The following COBLL1 variants were observed in gnomAD, a reference collection of about 807,000 sequenced individuals.
The protein encoded by COBLL1 is cordon-bleu protein-like 1.
COBLL1 carries 50 observed loss-of-function variants against 94.8 expected under a neutral mutation model. The observed-to-expected ratio is 0.53, with a 90% CI of 0.42 to 0.67. The LOEUF is 0.67. Among genes scored for constraint, COBLL1 ranks in the 30% least tolerant of loss-of-function variants. The pLI, the probability that COBLL1 is intolerant of heterozygous loss-of-function variation, is 0.00. For missense variants in COBLL1, 1,362 were observed against 1,348.7 expected, an observed-to-expected ratio of 1.01 and a Z score of -0.15; for synonymous variants, 448 against 473.8, an observed-to-expected ratio of 0.95 and a Z score of 0.71.
chr2:164,680,053 G>A (rs2105393149), downstream of COBLL1: 1 of 152,026 alleles, frequency 6.6e-6, no homozygotes, highest in East Asian at 1.9e-4. Context: ...ATAGTGAGAT[G>A]CTTTTGCCAA....
chr2:164,811,642 A>G (rs568993303), intron 2 of COBLL1, among the ~76,000 whole-genome samples: 1 of 151,892 alleles, frequency 6.6e-6, no homozygotes, highest in South Asian at 2.1e-4. Context: ...ACTTCCAGAA[A>G]AGTCAAAGTA....
chr2:164,747,823 T>C (rs1344293958), intron 2 of COBLL1, among the ~76,000 whole-genome samples: 2 of 152,192 alleles, frequency 1.3e-5, no homozygotes, highest in Admixed American at 1.3e-4. Flanking sequence ...TCAGTTGTTA[T>C]TTCAATTTAA....
chr2:164,682,862 GC>G lies in COBLL1; in HGVS notation c.*3083del, dbSNP rs1453413199. 1 of 152,038 alleles carries G rather than the reference GC, an allele frequency of 6.6e-6. No homozygotes were observed. The highest frequency in any genetic ancestry group is 1.9e-4 in the East Asian group (1 of 5,180). 9.4% of individuals were successfully genotyped at this position (152,038 alleles called of 1,614,324 possible). A position where few individuals can be genotyped will look rare whatever the true frequency, so the allele number is the denominator to read the frequency against. On this transcript the variant is annotated 3_prime_UTR_variant, in exon 14 of 14. Coordinates refer to ENST00000652658, the MANE Select transcript of COBLL1 (RefSeq NM_001365672.2). ...ACTCCAGCCAACATTATGTACCGCA[GC>G]AAGAAACAATAGAATGGCTAACAGA...
intron 5 of COBLL1, chr2:164,723,412 C>G (rs1558954320): frequency 6.6e-6 from 1 of 152,132 alleles, no homozygotes; most frequent in Non-Finnish European, 1.5e-5. Context: ...AATTCCATTT[C>G]CCATTAAAAG....
At chr2:164,741,494 G>A (rs1160993964) in intron 3 of COBLL1, among the ~76,000 whole-genome samples, 3 of 150,066 alleles carry the variant, frequency 2.0e-5, no homozygotes, top group African/African-American at 7.4e-5. Context: ...GGTAAATGAA[G>A]AGAGCCCAGG....
chr2:164,676,003 G>A (rs546018764), downstream of COBLL1, among the ~76,000 whole-genome samples: 27 of 152,252 alleles, frequency 1.8e-4, no homozygotes, highest in African/African-American at 6.3e-4. Flanking sequence ...AAATAGGAAA[G>A]AAACCTGAAA....
In COBLL1 at chr2:164,841,792, T is replaced by C; in HGVS notation, c.-133A>G. On this transcript the variant is annotated 5_prime_UTR_variant, in exon 1 of 14. Transcript: ENST00000652658. The surrounding 1 kb of genome is among the most constrained non-coding windows in gnomAD (Gnocchi z 5.5). ...CTCTTCCCTTCCCCGGCCCGCGCTC[T>C]TGCCGCTCGGCTCTCAAGCCAGGAC... The C allele has an allele frequency of 1.7e-6, 1 of 573,562 alleles. No homozygotes were observed. Among genetic ancestry groups the C allele is most frequent in the Non-Finnish European group, 3.0e-6 (1 of 333,914 alleles). The allele number at this position is 573,562 out of a possible 1,614,324, so 35.5% of individuals were successfully genotyped here.
chr2:164,804,300 C>T (rs952234500), intron 2 of COBLL1, among the ~76,000 whole-genome samples: 1 of 151,972 alleles, frequency 6.6e-6, no homozygotes, highest in Non-Finnish European at 1.5e-5. Flanking sequence ...GATCACACAA[C>T]TCTATGAGTA....
At chr2:164,791,308 A>T (rs1683178870) in intron 2 of COBLL1, among the ~76,000 whole-genome samples, 1 of 152,138 alleles carries the variant, frequency 6.6e-6, no homozygotes, top group Non-Finnish European at 1.5e-5. Context: ...ATTTATTTTT[A>T]AATTATTTAT....
At chr2:164,686,238 TA>T (rs1683279793) in intron 13 of COBLL1, among the ~76,000 whole-genome samples, 1 of 152,144 alleles carries the variant, frequency 6.6e-6, no homozygotes, top group African/African-American at 2.4e-5. Context: ...ACAAATAAGA[TA>T]AATAATCCAT....
At chr2:164,690,142 T>C (rs754620122) in intron 13 of COBLL1, among the ~76,000 whole-genome samples, 59 of 152,156 alleles carry the variant, frequency 3.9e-4, no homozygotes, top group Non-Finnish European at 7.2e-4. Flanking sequence ...AACATTCTTA[T>C]GTGTGAGAGT....
chr2:164,839,724 A>G (rs955742437), intron 2 of COBLL1, among the ~76,000 whole-genome samples: 2 of 152,140 alleles, frequency 1.3e-5, no homozygotes, highest in African/African-American at 2.4e-5. Context: ...TCTCATCGTC[A>G]ATTCACATAA....
intron 2 of COBLL1, among the ~76,000 whole-genome samples, chr2:164,806,717 T>C (rs957936107): frequency 1.3e-5 from 2 of 152,192 alleles, no homozygotes; most frequent in East Asian, 1.9e-4. Context: ...TCTTTTCTTT[T>C]GAGACAGGGT....
At chr2:164,781,218 ACTTT>A (rs1024900825) in intron 2 of COBLL1, among the ~76,000 whole-genome samples, 5 of 152,210 alleles carry the variant, frequency 3.3e-5, no homozygotes, top group Non-Finnish European at 7.3e-5. Flanking sequence ...AAGTTATTAG[ACTTT>A]CTTTTTTAAC....
intron 11 of COBLL1, among the ~76,000 whole-genome samples, chr2:164,698,931 A>G (rs1303868165): frequency 6.6e-6 from 1 of 151,978 alleles, no homozygotes; most frequent in Non-Finnish European, 1.5e-5. Context: ...GAACTGGGAA[A>G]CAGTGGTAAA....
In COBLL1 at chr2:164,694,904, T is replaced by C. The variant is rs146742303; in HGVS notation, c.2488A>G (p.Thr830Ala). 8 of 1,613,934 alleles carry C rather than the reference T, an allele frequency of 5.0e-6. No individual in the cohort carries two copies. In the Admixed American group the frequency reaches 8.3e-5, roughly 17 times the overall value. ...AAAGGAGCTGTGCCAGTGTCTCTTG[T>C]CATTTTGGGAGCAGGTTTCAGAGGA... is the stretch of plus-strand genomic sequence containing the variant. Reference protein sequence around the residue: ...VSPLKPAPKMTRDTGTAPFAP... With the variant: ...VSPLKPAPKMARDTGTAPFAP... The change falls in exon 12 of 14, where the codon ACA (threonine) becomes GCA (alanine). Residue 830 changes from threonine to alanine, a missense_variant. Thr to Ala is a moderately conservative substitution (Grantham distance 58). Transcript: ENST00000652658.
intron 2 of COBLL1, among the ~76,000 whole-genome samples, chr2:164,807,845 A>T (rs1684254879): frequency 6.6e-6 from 1 of 151,920 alleles, no homozygotes; most frequent in South Asian, 2.1e-4. Context: ...ATTTTGTGAC[A>T]GAGTCTCGTT....
At chr2:164,758,091 G>C (rs1257694750) in intron 2 of COBLL1, among the ~76,000 whole-genome samples, 1 of 151,976 alleles carries the variant, frequency 6.6e-6, no homozygotes, top group Non-Finnish European at 1.5e-5. Flanking sequence ...AGACTTAAAA[G>C]AAATATCTAC....
chr2:164,804,415 C>A (rs1683984121), intron 2 of COBLL1, among the ~76,000 whole-genome samples: 1 of 151,836 alleles, frequency 6.6e-6, no homozygotes, highest in African/African-American at 2.4e-5. Flanking sequence ...CTTATGAAAA[C>A]AAAGTCTATA....
Sources: gnomAD v4.1 joint callset for allele counts (sites outside exome capture counted in the v4.1 genomes callset) on GRCh38, gnomAD v4.1.1 for gene constraint, Gnocchi (gnomAD v3.1) non-coding constraint, MANE v1.5 for transcripts, NCBI Gene and HGNC (gene_info 2026-07-23, HGNC 2026-07-21) for gene names.